The following C1GALT1 variants were observed in gnomAD, a reference collection of about 807,000 sequenced individuals.
C1GALT1 encodes glycoprotein-N-acetylgalactosamine 3-beta-galactosyltransferase 1.
C1GALT1 carries 11 observed loss-of-function variants against 31.0 expected under a neutral mutation model. The observed-to-expected ratio is 0.36, with a 90% CI of 0.22 to 0.59. The LOEUF is 0.59. Among genes scored for constraint, C1GALT1 ranks in the 20% least tolerant of loss-of-function variants. The probability of loss-of-function intolerance (pLI) is 0.79; values close to 1 mark genes in which losing one functional copy is unlikely to be tolerated. For synonymous variants in C1GALT1, 175 were observed against 143.6 expected (o/e 1.22, Z -1.56); for missense variants, 424 against 425.2 (o/e 1.00, Z 0.03).
chr7:7,231,224 A>G (rs1234784370), intron 1 of C1GALT1, among the ~76,000 whole-genome samples: 3 of 152,182 alleles, frequency 2.0e-5, no homozygotes, highest in South Asian at 2.1e-4. Flanking sequence ...TCAGCTGTCA[A>G]TCTTATTACA....
At chr7:7,171,901 T>C (rs1780457571) in intron 2 of C1GALT1, among the ~76,000 whole-genome samples, 1 of 152,186 alleles carries the variant, frequency 6.6e-6, no homozygotes, top group Admixed American at 6.5e-5. Context: ...ATTGTTAATG[T>C]CTTTTTACAT....
At chr7:7,196,525 C>T (rs1000378350) in intron 1 of C1GALT1, among the ~76,000 whole-genome samples, 1 of 152,140 alleles carries the variant, frequency 6.6e-6, no homozygotes, top group African/African-American at 2.4e-5. Context: ...AGTAAACATA[C>T]ATGTGCATGT....
At chr7:7,198,625 G>A (rs1781402226) in intron 1 of C1GALT1, among the ~76,000 whole-genome samples, 1 of 152,124 alleles carries the variant, frequency 6.6e-6, no homozygotes, top group Non-Finnish European at 1.5e-5. Context: ...GCTCCTCTTT[G>A]TACCTCTGGT....
chr7:7,232,828 CTG>C (rs1480114176), intron 1 of C1GALT1, among the ~76,000 whole-genome samples: 4 of 152,174 alleles, frequency 2.6e-5, no homozygotes, highest in African/African-American at 4.8e-5. Flanking sequence ...TACATTCAAA[CTG>C]TGGCTCCTTC....
At chr7:7,241,051 G>C (rs190905873) in intron 3 of C1GALT1, among the ~76,000 whole-genome samples, 1 of 151,906 alleles carries the variant, frequency 6.6e-6, no homozygotes, top group East Asian at 1.9e-4. Flanking sequence ...CACCAGAGAA[G>C]TTGCAGTGAG....
intron 1 of C1GALT1, among the ~76,000 whole-genome samples, chr7:7,183,750 A>G (rs1233501985): frequency 6.6e-6 from 1 of 151,866 alleles, no homozygotes; most frequent in Non-Finnish European, 1.5e-5. Context: ...AATTCTCAAG[A>G]TTTCTAACCT....
chr7:7,240,567 A>G (rs1245259785), intron 3 of C1GALT1, among the ~76,000 whole-genome samples: 4 of 152,224 alleles, frequency 2.6e-5, no homozygotes, highest in African/African-American at 4.8e-5. Flanking sequence ...ATAAACATGT[A>G]GCAAATACAT....
chr7:7,220,526 C>CT (rs58511737), intron 1 of C1GALT1, among the ~76,000 whole-genome samples: 26,121 of 150,566 alleles, frequency 0.17, 2,898 homozygotes, highest in Admixed American at 0.32. Context: ...TATCTTTATT[C>CT]TTTTTTTTTT....
intron 1 of C1GALT1, among the ~76,000 whole-genome samples, chr7:7,218,798 T>G (rs916466415): frequency 1.1e-4 from 16 of 152,176 alleles, no homozygotes; most frequent in Non-Finnish European, 2.1e-4. Context: ...GTAATTGGGT[T>G]TAAAATCAAA....
intron 1 of C1GALT1, among the ~76,000 whole-genome samples, chr7:7,212,015 G>A (rs538737031): frequency 6.6e-6 from 1 of 152,250 alleles, no homozygotes; most frequent in East Asian, 1.9e-4. Flanking sequence ...TCTTATACTT[G>A]GCCTGATTAT....
chr7:7,165,894 A>T (rs181691868), intron 2 of C1GALT1, among the ~76,000 whole-genome samples: 175 of 152,272 alleles, frequency 1.1e-3, no homozygotes, highest in Non-Finnish European at 2.0e-3. Flanking sequence ...TATTGTATAA[A>T]ATTACCATCA....
At chr7:7,197,641 C>A (rs1441684125) in intron 1 of C1GALT1, among the ~76,000 whole-genome samples, 4 of 152,132 alleles carry the variant, frequency 2.6e-5, no homozygotes, top group African/African-American at 9.7e-5. Context: ...GCAGTATGGC[C>A]ATTTTCATGA....
At chr7:7,211,491 A>G (rs1272278586) in intron 1 of C1GALT1, among the ~76,000 whole-genome samples, 1 of 152,224 alleles carries the variant, frequency 6.6e-6, no homozygotes, top group Admixed American at 6.5e-5. Flanking sequence ...CTCTAAGGAT[A>G]ATAATTAAGC....
upstream of C1GALT1, among the ~76,000 whole-genome samples, chr7:7,181,110 G>A (rs546326310): frequency 6.1e-5 from 9 of 147,358 alleles, no homozygotes; most frequent in South Asian, 1.9e-3. Flanking sequence ...AACGAGATAA[G>A]GAGTTGTGAG....
intron 1 of C1GALT1, among the ~76,000 whole-genome samples, chr7:7,217,390 G>A: frequency 6.6e-6 from 1 of 151,936 alleles, no homozygotes; most frequent in South Asian, 2.1e-4. Context: ...AAGAGACATG[G>A]TCTTGCTACA....
At chr7:7,206,964 C>G (rs56160222) in intron 1 of C1GALT1, among the ~76,000 whole-genome samples, 35,502 of 151,860 alleles carry the variant, frequency 0.23, 4,690 homozygotes, top group East Asian at 0.42. Context: ...TACTTGGAGT[C>G]TTTTTCAGCT....
At chr7:7,215,174 G>A (rs111248630) in intron 1 of C1GALT1, among the ~76,000 whole-genome samples, 3 of 152,152 alleles carry the variant, frequency 2.0e-5, no homozygotes, top group South Asian at 2.1e-4. Context: ...GTTTGCCACC[G>A]ACTGCTTTGC....
chr7:7,208,495 A>G (rs375659516), intron 1 of C1GALT1, among the ~76,000 whole-genome samples: 66 of 152,226 alleles, frequency 4.3e-4, no homozygotes, highest in South Asian at 4.1e-3. Flanking sequence ...TCCCTTGTAT[A>G]TGCAGTTTCT....
chr7:7,243,948 A>C lies in C1GALT1; in HGVS notation c.*221A>C. On this transcript the variant is annotated 3_prime_UTR_variant, in exon 4 of 4. Coordinates refer to ENST00000436587, the MANE Select transcript of C1GALT1 (RefSeq NM_020156.5). Reference sequence around the variant, plus strand: ...GTAATATATAAATATGTCTATATATATGAGGAACTTGTGTTTTTTAAATGG... The same window carrying C: ...GTAATATATAAATATGTCTATATATCTGAGGAACTTGTGTTTTTTAAATGG... The C allele has an allele frequency of 3.3e-6, 1 of 301,700 alleles. No homozygotes were observed. The highest frequency in any genetic ancestry group is 6.3e-5 in the East Asian group (1 of 15,968). 18.7% of individuals were successfully genotyped at this position (301,700 alleles called of 1,614,324 possible).
Sources: gnomAD v4.1 joint callset for allele counts (sites outside exome capture counted in the v4.1 genomes callset) on GRCh38, gnomAD v4.1.1 for gene constraint, MANE v1.5 for transcripts, NCBI Gene and HGNC (gene_info 2026-07-23, HGNC 2026-07-21) for gene names.